Variants in YAE1 observed in about 807,000 individuals in gnomAD.
YAE1 encodes protein YAE1 homolog.
Under a neutral mutation model 23.0 loss-of-function variants are expected in YAE1, and 22 were observed. The observed-to-expected ratio is 0.96, with a 90% CI of 0.68 to 1.37. The LOEUF (loss-of-function observed/expected upper bound fraction) is 1.37, where lower values mean the gene tolerates loss of function less well. Among genes scored for constraint, YAE1 ranks in the 40% most tolerant of loss-of-function variants. The pLI, the probability that YAE1 is intolerant of heterozygous loss-of-function variation, is 0.00. For synonymous variants in YAE1, 101 were observed against 97.0 expected, an observed-to-expected ratio of 1.04 and a Z score of -0.24; for missense variants, 260 against 262.1, an observed-to-expected ratio of 0.99 and a Z score of 0.06.
intron 2 of YAE1, 55 bp from the exon 3 acceptor site, chr7:39,572,222 C>A: frequency 6.7e-7 from 1 of 1,496,940 alleles, no homozygotes; most frequent in South Asian, 1.4e-5. Context: ...GAAAGATAGT[C>A]TTATATTTTT....
At chr7:39,609,945 T>C in exon 3 of YAE1, 1 of 1,523,700 alleles carries the variant, frequency 6.6e-7, no homozygotes, top group Non-Finnish European at 8.8e-7. Context: ...AACACATTTT[T>C]CAACATATAA....
At chr7:39,584,521 T>A (rs1426018974) in intron 2 of YAE1, among the ~76,000 whole-genome samples, 1 of 152,210 alleles carries the variant, frequency 6.6e-6, no homozygotes. Flanking sequence ...TCCCTTATCC[T>A]AATTTATTGC....
intron 2 of YAE1, among the ~76,000 whole-genome samples, chr7:39,593,605 A>G (rs1459430267): frequency 6.6e-6 from 1 of 152,042 alleles, no homozygotes; most frequent in South Asian, 2.1e-4. Flanking sequence ...GACTACAGTC[A>G]CGCACCACCA....
At chr7:39,610,167 T>C in exon 3 of YAE1, 1 of 747,260 alleles carries the variant, frequency 1.3e-6, no homozygotes. Flanking sequence ...TTGGGAGGAG[T>C]ATGAGAAAAT....
At chr7:39,607,038 A>G (rs911734673) in intron 2 of YAE1, among the ~76,000 whole-genome samples, 7 of 152,216 alleles carry the variant, frequency 4.6e-5, no homozygotes, top group African/African-American at 1.7e-4. Flanking sequence ...AGTTCTTCTC[A>G]GCCTCATACT....
At position 39,610,194 on chromosome 7, in the gene YAE1, G is replaced by T. The variant is rs547446280; in HGVS notation, c.*208G>T. ...TGAGAAAATCCTCAATACCAAACTA[G>T]CAGAGCAATACGAGTCGTTTGTGAA... On this transcript the variant is annotated 3_prime_UTR_variant, in exon 3 of 3. Coordinates refer to the YAE1 transcript ENST00000432096. 52 of 639,634 alleles carry T rather than the reference G, an allele frequency of 8.1e-5. No homozygotes were observed. In the East Asian group the frequency reaches 1.4e-3, roughly 17 times the overall value. The allele number at this position is 639,634 out of a possible 1,614,324, so 39.6% of individuals were successfully genotyped here. A position where few individuals can be genotyped will look rare whatever the true frequency, so the allele number is the denominator to read the frequency against.
At chr7:39,569,588 A>G (rs200681051) in intron 1 of YAE1, 2 of 561,090 alleles carry the variant, frequency 3.6e-6, no homozygotes, top group South Asian at 3.1e-5. Flanking sequence ...GACAAAGGCA[A>G]CCTGCCACAA....
At chr7:39,567,391 T>C (rs1050824943) in intron 1 of YAE1, among the ~76,000 whole-genome samples, 1 of 152,210 alleles carries the variant, frequency 6.6e-6, no homozygotes, top group Non-Finnish European at 1.5e-5. Context: ...ACGAAATCAC[T>C]ACCCACAGAG....
At chr7:39,610,273 T>A in exon 3 of YAE1, 1 of 518,270 alleles carries the variant, frequency 1.9e-6, no homozygotes, top group Non-Finnish European at 3.5e-6. Context: ...ACAAACTATG[T>A]GTCTTGAAGC....
chr7:39,608,499 G>C (rs1791161245), intron 2 of YAE1, among the ~76,000 whole-genome samples: 2 of 152,176 alleles, frequency 1.3e-5, no homozygotes, highest in Non-Finnish European at 2.9e-5. Context: ...AAAACAAAGA[G>C]AGGAAGAGAA....
At chr7:39,590,781 T>G (rs1790890959) in intron 2 of YAE1, among the ~76,000 whole-genome samples, 1 of 152,236 alleles carries the variant, frequency 6.6e-6, no homozygotes. Context: ...TTTCAGATTT[T>G]GGAGAATTTT....
At chr7:39,572,897 T>A (rs537247748), downstream of YAE1, 2 of 1,214,278 alleles carry the variant, frequency 1.6e-6, no homozygotes, top group Admixed American at 7.9e-5. Flanking sequence ...TTGTCACTGG[T>A]AATTTTTATG....
In YAE1 at chr7:39,572,844, C is replaced by G; in HGVS notation, c.*138C>G. On this transcript the variant is annotated 3_prime_UTR_variant, in exon 3 of 3. Transcript: ENST00000223273. ...GGAAGTTTGAAATTAACACTATTGT[C>G]TTCAAAATTAACACTATTAAATGTA... 1 of 1,372,570 alleles carries G rather than the reference C, an allele frequency of 7.3e-7. No homozygotes were observed. The highest frequency in any genetic ancestry group is 9.4e-7 in the Non-Finnish European group (1 of 1,065,684). The allele number at this position is 1,372,570 out of a possible 1,614,324, so 85.0% of individuals were successfully genotyped here. A position where few individuals can be genotyped will look rare whatever the true frequency, so the allele number is the denominator to read the frequency against.
intron 2 of YAE1, among the ~76,000 whole-genome samples, chr7:39,599,807 T>C (rs1366368668): frequency 6.6e-6 from 1 of 152,068 alleles, no homozygotes; most frequent in Admixed American, 6.6e-5. Context: ...CAGGCTGGTC[T>C]TGGACTCCTG....
chr7:39,578,521 G>A (rs893686636), intron 2 of YAE1, among the ~76,000 whole-genome samples: 1 of 152,168 alleles, frequency 6.6e-6, no homozygotes, highest in African/African-American at 2.4e-5. Flanking sequence ...TCACTGCAAC[G>A]GGCTGCAGCT....
intron 2 of YAE1, among the ~76,000 whole-genome samples, chr7:39,607,860 G>A (rs1269747381): frequency 6.6e-6 from 1 of 152,140 alleles, no homozygotes; most frequent in Non-Finnish European, 1.5e-5. Context: ...GTAGAGACGG[G>A]GTTTTACCAT....
chr7:39,571,218 A>G (rs1243725604), intron 2 of YAE1, among the ~76,000 whole-genome samples: 1 of 151,748 alleles, frequency 6.6e-6, no homozygotes, highest in Non-Finnish European at 1.5e-5. Context: ...AAATTCATAA[A>G]CTTTCTTAAA....
chr7:39,607,629 C>T (rs761184923), intron 2 of YAE1, among the ~76,000 whole-genome samples: 3 of 152,166 alleles, frequency 2.0e-5, no homozygotes, highest in Admixed American at 6.5e-5. Context: ...TAATTGATCA[C>T]GGCAGCAATA....
At chr7:39,610,008 C>A in exon 3 of YAE1, 1 of 1,506,876 alleles carries the variant, frequency 6.6e-7, no homozygotes, top group Non-Finnish European at 8.8e-7. Context: ...AATCAGAGGG[C>A]AGCTTGTGCT....
Sources: gnomAD v4.1 joint callset for allele counts (sites outside exome capture counted in the v4.1 genomes callset) on GRCh38, gnomAD v4.1.1 for gene constraint, MANE v1.5 for transcripts, NCBI Gene and HGNC (gene_info 2026-07-23, HGNC 2026-07-21) for gene names.